DGKD: variants seen among roughly 807,000 people sequenced by gnomAD.
DGKD encodes the protein diacylglycerol kinase delta, also known as DAG kinase delta.
In DGKD, 68 loss-of-function variants were observed where a neutral mutation model predicts 154.4. The observed-to-expected ratio is 0.44, with a 90% confidence interval of 0.36 to 0.54. The LOEUF is 0.54. Among genes scored for constraint, DGKD ranks in the 20% least tolerant of loss-of-function variants. The pLI, the probability that DGKD is intolerant of heterozygous loss-of-function variation, is 0.00. For synonymous variants in DGKD, 693 were observed against 638.0 expected, an observed-to-expected ratio of 1.09 and a Z score of -1.30; for missense variants, 1,343 against 1,593.6, an observed-to-expected ratio of 0.84 and a Z score of 2.68.
intron 10 of DGKD, chr2:233,442,401 G>T: frequency 3.3e-6 from 1 of 301,904 alleles, no homozygotes; most frequent in Non-Finnish European, 6.6e-6. Flanking sequence ...TTAGTTTTTT[G>T]TATTAAAATA....
chr2:233,408,338 A>G lies in DGKD; in HGVS notation c.348+17855A>G, dbSNP rs1023852536. ...CGTGAGCCACTGCGCCCATCCAGAG[A>G]AACTGTATATAATTGGCAAATGTCT... On this transcript the variant is annotated intron_variant, in intron 3 of 29. Coordinates refer to ENST00000264057, the MANE Select transcript of DGKD (RefSeq NM_152879.3). Among the ~76,000 whole-genome samples the G allele has an allele frequency of 4.6e-5, 7 of 152,208 alleles. No homozygotes were observed. The South Asian group carries it at 1.4e-3, about 32-fold the overall frequency.
intron 5 of DGKD, 129 bp downstream of exon 5, chr2:233,435,030 C>T (rs1426262309): frequency 6.3e-6 from 8 of 1,279,906 alleles, no homozygotes; most frequent in African/African-American, 3.0e-5. Flanking sequence ...AAGGGCACAG[C>T]GATTTCTGTG....
chr2:233,467,010 C>T (rs1454027183), intron 27 of DGKD, 76 bp from the exon 28 acceptor site: 1 of 1,203,536 alleles, frequency 8.3e-7, no homozygotes, highest in Non-Finnish European at 1.2e-6. Flanking sequence ...GCCCTCCCAG[C>T]CTCTCTGGTG....
chr2:233,427,153 G>A (rs951710380), intron 3 of DGKD, among the ~76,000 whole-genome samples: 4 of 151,744 alleles, frequency 2.6e-5, no homozygotes, highest in Admixed American at 6.6e-5. Flanking sequence ...GTGACATCAC[G>A]TTTCTTTCTC....
rs149090615 is a variant in DGKD, at chr2:233,464,251, C to T, written c.3274C>T (p.Leu1092Phe). 342 of 1,613,620 alleles carry T rather than the reference C, an allele frequency of 2.1e-4. No homozygotes were observed. Among genetic ancestry groups the T allele is most frequent in the Middle Eastern group, 2.0e-3 (12 of 6,062 alleles). The stretch of plus-strand genomic sequence containing the variant: ...CAGGAGGCTGGCAGACACCCCGTGG[C>T]TCTGCCAGTCCGCAGAGCCCGGCGA... Reference protein sequence around the residue: ...QLRRLADTPWLCQSAEPGDEE... With the variant: ...QLRRLADTPWFCQSAEPGDEE... Residue 1092 changes from leucine (L) to phenylalanine (F), a missense_variant, in exon 27 of 30, where the codon CTC becomes TTC. Physicochemically the swap from Leu to Phe is conservative, Grantham distance 22 (BLOSUM62 0). Around this residue, in one of 6 missense-constraint regions of DGKD, gnomAD observed 429 missense variants for 496.3 expected, o/e 0.86. Coordinates refer to ENST00000264057, the MANE Select transcript of DGKD (RefSeq NM_152879.3).
chr2:233,438,251 A>C lies in DGKD; in HGVS notation c.957A>C (p.Thr319=). 1 of 1,614,174 alleles carries C rather than the reference A, an allele frequency of 6.2e-7. No individual in the cohort carries two copies. Among genetic ancestry groups the C allele is most frequent in the Non-Finnish European group, 8.5e-7 (1 of 1,180,032 alleles). ...FWKASCPPSC[T]SPLLVFVNSK... ...AGGCCAGCTGTCCTCCTTCTTGCAC[A>C]AGCCCACTGTTGGTCTTCGTCAATT... Residue 319 remains threonine (T), a synonymous_variant, in exon 9 of 30, where the codon ACA becomes ACC. Coordinates refer to ENST00000264057, the MANE Select transcript of DGKD (RefSeq NM_152879.3). This position sits in a 1 kb window ranked among gnomAD's most constrained non-coding sequence, Gnocchi z 4.1.
In DGKD at chr2:233,470,929, T is replaced by G. The variant is rs1311273185; in HGVS notation, c.*1469T>G. On this transcript the variant is annotated 3_prime_UTR_variant, in exon 30 of 30. Coordinates refer to ENST00000264057, the MANE Select transcript of DGKD (RefSeq NM_152879.3). The stretch of plus-strand genomic sequence containing the variant: ...GTCCAGGTCCTTTAGTCAGCGTCAC[T>G]CCATCTGATGTGCAGAAGCTGGGCT... The G allele has an allele frequency of 6.6e-6, 1 of 152,342 alleles. No individual in the cohort carries two copies. The highest frequency in any genetic ancestry group is 2.4e-5 in the African/African-American group (1 of 41,408). The allele number at this position is 152,342 out of a possible 1,614,324, so 9.4% of individuals were successfully genotyped here. A position where few individuals can be genotyped will look rare whatever the true frequency, so the allele number is the denominator to read the frequency against.
chr2:233,406,601 C>T (rs1163558027), intron 3 of DGKD, among the ~76,000 whole-genome samples: 1 of 152,154 alleles, frequency 6.6e-6, no homozygotes, highest in Non-Finnish European at 1.5e-5. Context: ...ATTCATGGCC[C>T]CCTCAAAGCG....
intron 12 of DGKD, chr2:233,447,597 G>GCGA (rs2063126171): frequency 5.1e-6 from 5 of 986,674 alleles, no homozygotes; most frequent in Non-Finnish European, 1.2e-6. Flanking sequence ...AGTGAAGTTT[G>GCGA]CGACCCTGGG....
chr2:233,462,629 C>T lies in DGKD; in HGVS notation c.3094-14C>T, dbSNP rs778905682. The T allele has an allele frequency of 4.3e-6, 7 of 1,612,976 alleles. No homozygotes were observed. The highest frequency in any genetic ancestry group is 5.9e-6 in the Non-Finnish European group (7 of 1,179,096). On this transcript the variant is annotated splice_polypyrimidine_tract_variant and intron_variant, in intron 25 of 29. Transcript: ENST00000264057. ...GCCCCCCGCCCCCATGCATATTTGCCTGGTTTCTTCTAGGGGCTCAACTGC... is the reference window on the plus strand; with the variant it reads ...GCCCCCCGCCCCCATGCATATTTGCTTGGTTTCTTCTAGGGGCTCAACTGC...
Position 233,441,481 on chromosome 2 carries a change from G to T in DGKD, c.1086-406G>T, listed in dbSNP as rs2062885785. On this transcript the variant is annotated intron_variant, in intron 9 of 29. Transcript: ENST00000264057. This position sits in a 1 kb window ranked among gnomAD's most constrained non-coding sequence, Gnocchi z 5.6. ...GGGCATGCTGGGAAGGCTGGCAGGG[G>T]CCACATGTGGATGGGGCAGGGACAG... Among the ~76,000 whole-genome samples, 1 of 152,194 alleles carries T rather than the reference G, an allele frequency of 6.6e-6. No homozygotes were observed. The highest frequency in any genetic ancestry group is 1.5e-5 in the Non-Finnish European group (1 of 68,016).
In DGKD at chr2:233,442,133, A is replaced by G. The variant is rs754456586; in HGVS notation, c.1194+138A>G. 7.0e-6 allele frequency: 6 copies of G among 855,940 alleles called. No individual in the cohort carries two copies. In the South Asian group the frequency reaches 8.5e-5, roughly 12 times the overall value. 53.0% of individuals were successfully genotyped at this position (855,940 alleles called of 1,614,324 possible). A position where few individuals can be genotyped will look rare whatever the true frequency, so the allele number is the denominator to read the frequency against. On this transcript the variant is annotated intron_variant, in intron 10 of 29. Coordinates refer to ENST00000264057, the MANE Select transcript of DGKD (RefSeq NM_152879.3). ...CCATTGGTGGTTTTGGGGAGTGTGC[A>G]GTTTGGTGGCCAGGGCAGAGAGGGG... is the stretch of plus-strand genomic sequence containing the variant.
At chr2:233,402,781 C>G (rs1307120278) in intron 3 of DGKD, among the ~76,000 whole-genome samples, 1 of 152,238 alleles carries the variant, frequency 6.6e-6, no homozygotes, top group Non-Finnish European at 1.5e-5. Context: ...CCCTGGCCAC[C>G]TAATTTCAAA....
chr2:233,462,307 C>T (rs1457459038), intron 24 of DGKD, 41 bp from the exon 25 acceptor site: 2 of 1,520,720 alleles, frequency 1.3e-6, no homozygotes, highest in Non-Finnish European at 1.8e-6. Flanking sequence ...GCTGCCCTTC[C>T]ATTTGGCCTG....
chr2:233,419,164 G>A, intron 3 of DGKD: 1 of 957,924 alleles, frequency 1.0e-6, no homozygotes, highest in Non-Finnish European at 1.2e-6. Context: ...ACCTTTCCAA[G>A]CGCTGCAGCC....
intron 10 of DGKD, among the ~76,000 whole-genome samples, chr2:233,442,957 G>T (rs2062949945): frequency 2.6e-5 from 4 of 152,090 alleles, no homozygotes; most frequent in African/African-American, 9.7e-5. Context: ...CCTTGTGCCT[G>T]TGTCTGTAAG....
chr2:233,460,515 A>G lies in DGKD; in HGVS notation c.2981+170A>G, dbSNP rs371291305. Among the ~76,000 whole-genome samples the G allele has an allele frequency of 3.3e-4, 50 of 152,230 alleles. No individual in the cohort carries two copies. In the South Asian group the frequency reaches 9.9e-3, roughly 30 times the overall value. On this transcript the variant is annotated intron_variant, in intron 24 of 29. Coordinates refer to ENST00000264057, the MANE Select transcript of DGKD (RefSeq NM_152879.3). ...GCCCTCAGCTCTGGCTCATTTCCCC[A>G]GTGGTCTTTCAGAACTCGCCTGGAG...
At chr2:233,383,205 T>G (rs539571767) in intron 1 of DGKD, among the ~76,000 whole-genome samples, 1 of 152,130 alleles carries the variant, frequency 6.6e-6, no homozygotes, top group Non-Finnish European at 1.5e-5. Flanking sequence ...CATGCCCAGC[T>G]AATTTTTGTA....
intron 1 of DGKD, among the ~76,000 whole-genome samples, chr2:233,378,281 G>A (rs551352955): frequency 3.9e-5 from 6 of 152,074 alleles, no homozygotes; most frequent in Non-Finnish European, 5.9e-5. Flanking sequence ...ATGTGGTGGC[G>A]GGCGCCTGTA....
Sources: gnomAD v4.1 joint callset for allele counts (sites outside exome capture counted in the v4.1 genomes callset) on GRCh38, gnomAD v4.1.1 for gene constraint, gnomAD v4.1.1 regional missense constraint, Gnocchi (gnomAD v3.1) non-coding constraint, MANE v1.5 for transcripts, NCBI Gene and HGNC (gene_info 2026-07-23, HGNC 2026-07-21) for gene names.